The following SPARCL1 variants were observed in gnomAD, a reference collection of about 807,000 sequenced individuals.
SPARCL1 encodes the protein SPARC-like protein 1.
SPARCL1 carries 52 observed loss-of-function variants against 67.1 expected under a neutral mutation model. That is an observed-to-expected ratio of 0.78 (90% CI 0.62 to 0.98). The LOEUF (loss-of-function observed/expected upper bound fraction) is 0.98. Ranked by LOEUF, SPARCL1 falls within the 50% of genes least tolerant of loss-of-function variation. The pLI is 0.00. For synonymous variants in SPARCL1, 226 were observed against 267.8 expected, an observed-to-expected ratio of 0.84 and a Z score of 1.52; for missense variants, 717 against 782.4, an observed-to-expected ratio of 0.92 and a Z score of 1.00.
At chr4:87,489,304 C>A (rs1385799276) in intron 7 of SPARCL1, among the ~76,000 whole-genome samples, 1 of 152,140 alleles carries the variant, frequency 6.6e-6, no homozygotes, top group South Asian at 2.1e-4. Flanking sequence ...CACTGTCTTT[C>A]GCAGCACAGT....
At position 87,493,614 on chromosome 4, in the gene SPARCL1, T is replaced by C. The variant is rs1724447873; in HGVS notation, c.1186A>G (p.Ile396Val). The C allele has an allele frequency of 6.2e-7, 1 of 1,613,258 alleles. No homozygotes were observed. Among genetic ancestry groups the C allele is most frequent in the East Asian group, 2.2e-5 (1 of 44,852 alleles). ...TGCTCTCCAGGCTCAGTGGTACCTATATTTTCATTTTCATGTACTTTTTCT... is the reference window on the plus strand; with the variant it reads ...TGCTCTCCAGGCTCAGTGGTACCTACATTTTCATTTTCATGTACTTTTTCT... ...QREKVHENEN[I>V]GTTEPGEHQE... The change falls in exon 4 of 11, where the codon ATA becomes GTA. Residue 396 changes from isoleucine (I) to valine (V), a missense_variant. Physicochemically the swap from Ile to Val is conservative, Grantham distance 29 (BLOSUM62 3). Coordinates refer to ENST00000282470, the MANE Select transcript of SPARCL1 (RefSeq NM_004684.6).
At position 87,482,572 on chromosome 4, in the gene SPARCL1, A is replaced by T; in HGVS notation, c.1532-12T>A. ...ACAAGTAGGAATAGCTGTTACAAGC[A>T]GAAAATGTACTGTAATCTTTGGGCT... On this transcript the variant is annotated splice_polypyrimidine_tract_variant and intron_variant, in intron 7 of 10. Coordinates refer to ENST00000282470, the MANE Select transcript of SPARCL1 (RefSeq NM_004684.6). The T allele has an allele frequency of 6.2e-7, 1 of 1,613,868 alleles. No homozygotes were observed. The highest frequency in any genetic ancestry group is 1.1e-5 in the South Asian group (1 of 91,072).
At chr4:87,474,731 T>TTC (rs200674012) in intron 10 of SPARCL1, among the ~76,000 whole-genome samples, 1,578 of 133,596 alleles carry the variant, frequency 0.012, 104 homozygotes, top group East Asian at 0.11. Flanking sequence ...CTGTAAAGAT[T>TTC]TCTCTCTCTC....
intron 1 of SPARCL1, among the ~76,000 whole-genome samples, chr4:87,503,053 C>T (rs1260067927): frequency 6.6e-6 from 1 of 152,172 alleles, no homozygotes; most frequent in African/African-American, 2.4e-5. Flanking sequence ...CACTTAGTCC[C>T]TAGGTTTCTG....
chr4:87,491,987 G>A (rs1724367260), intron 4 of SPARCL1, among the ~76,000 whole-genome samples: 1 of 141,540 alleles, frequency 7.1e-6, no homozygotes, highest in Non-Finnish European at 1.5e-5. Context: ...GCATGATGGT[G>A]CATGCCTGTG....
At chr4:87,508,366 ATTTT>A (rs199711570) in intron 1 of SPARCL1, among the ~76,000 whole-genome samples, 2 of 146,776 alleles carry the variant, frequency 1.4e-5, no homozygotes, top group Non-Finnish European at 3.0e-5. Flanking sequence ...TGGGTAATTA[ATTTT>A]TTTTTTTTCT....
intron 10 of SPARCL1, among the ~76,000 whole-genome samples, chr4:87,474,777 C>T (rs1289715212): frequency 2.9e-5 from 4 of 136,218 alleles, no homozygotes; most frequent in African/African-American, 8.6e-5. Flanking sequence ...GAGTCTCGCT[C>T]TTTCACCCAG....
At chr4:87,511,658 G>A (rs1170467056) in intron 1 of SPARCL1, among the ~76,000 whole-genome samples, 4 of 152,168 alleles carry the variant, frequency 2.6e-5, no homozygotes, top group Non-Finnish European at 5.9e-5. Context: ...AGTGTTAAAT[G>A]TCACAGAGAG....
chr4:87,488,516 T>C (rs759346575), intron 7 of SPARCL1, among the ~76,000 whole-genome samples: 3 of 151,990 alleles, frequency 2.0e-5, no homozygotes, highest in Non-Finnish European at 4.4e-5. Flanking sequence ...CTCTCCTGTA[T>C]GAGATGTCTG....
intron 7 of SPARCL1, among the ~76,000 whole-genome samples, chr4:87,485,030 C>A (rs1723993338): frequency 6.6e-6 from 1 of 151,914 alleles, no homozygotes; most frequent in South Asian, 2.1e-4. Flanking sequence ...ATTTGACTTC[C>A]TGTCTTCCTA....
intron 1 of SPARCL1, chr4:87,528,021 C>CTTA (rs1285773804): frequency 4.6e-5 from 7 of 151,900 alleles, no homozygotes; most frequent in African/African-American, 7.3e-5. Context: ...ATTCAATGTG[C>CTTA]TTAGGCCCTG....
At chr4:87,488,710 T>C (rs1724179038) in intron 7 of SPARCL1, among the ~76,000 whole-genome samples, 1 of 152,196 alleles carries the variant, frequency 6.6e-6, no homozygotes, top group South Asian at 2.1e-4. Flanking sequence ...CCCCAGGTGC[T>C]CTGTCCCAAG....
rs1209557832 is a variant in SPARCL1, at chr4:87,476,013, A to G, written c.1967-2210T>C. On this transcript the variant is annotated intron_variant, in intron 10 of 10. Transcript: ENST00000282470. ...TGGTGGGCATGGTAGGGATAATGGTAGTTTTGATGGAGTGGTAGAGATAAT... is the reference window on the plus strand; with the variant it reads ...TGGTGGGCATGGTAGGGATAATGGTGGTTTTGATGGAGTGGTAGAGATAAT... 2.6e-5 allele frequency among the ~76,000 whole-genome samples: 4 copies of G among 152,232 alleles called. No individual in the cohort carries two copies. In the South Asian group the frequency reaches 8.3e-4, roughly 31 times the overall value.
chr4:87,527,281 A>C (rs1392820802), intron 1 of SPARCL1, among the ~76,000 whole-genome samples: 2 of 152,206 alleles, frequency 1.3e-5, no homozygotes. Flanking sequence ...TCAGGAAGCC[A>C]GGCCTACTGG....
At chr4:87,487,222 G>T (rs1426789622) in intron 7 of SPARCL1, among the ~76,000 whole-genome samples, 1 of 151,992 alleles carries the variant, frequency 6.6e-6, no homozygotes, top group East Asian at 1.9e-4. Flanking sequence ...TTTTTGCAGT[G>T]ACTGGTACTG....
intron 10 of SPARCL1, among the ~76,000 whole-genome samples, chr4:87,476,014 G>A (rs1331433397): frequency 6.6e-6 from 1 of 152,230 alleles, no homozygotes; most frequent in East Asian, 1.9e-4. Flanking sequence ...GATAATGGTA[G>A]TTTTGATGGA....
intron 1 of SPARCL1, among the ~76,000 whole-genome samples, chr4:87,512,444 C>T (rs566045328): frequency 6.6e-6 from 1 of 152,198 alleles, no homozygotes; most frequent in African/African-American, 2.4e-5. Context: ...ACCAATGTGA[C>T]ATTAGCAAGC....
intron 7 of SPARCL1, among the ~76,000 whole-genome samples, chr4:87,485,380 G>A (rs537403453): frequency 9.2e-5 from 14 of 152,206 alleles, no homozygotes; most frequent in African/African-American, 2.6e-4. Context: ...ATTGATTTGC[G>A]TATGTTGAAC....
intron 1 of SPARCL1, among the ~76,000 whole-genome samples, chr4:87,524,730 T>G (rs1725969128): frequency 6.6e-6 from 1 of 152,238 alleles, no homozygotes; most frequent in Non-Finnish European, 1.5e-5. Flanking sequence ...TGGCAATACT[T>G]GTTGTCTCAG....
Sources: gnomAD v4.1 joint callset for allele counts (sites outside exome capture counted in the v4.1 genomes callset) on GRCh38, gnomAD v4.1.1 for gene constraint, MANE v1.5 for transcripts, NCBI Gene and HGNC (gene_info 2026-07-23, HGNC 2026-07-21) for gene names.